The following AHCYL2 variants were observed in gnomAD, a reference collection of about 807,000 sequenced individuals.
AHCYL2 encodes adenosylhomocysteinase like 2, also known as S-adenosylhomocysteine hydrolase-like protein 2.
AHCYL2 carries 28 observed loss-of-function variants against 81.4 expected under a neutral mutation model. The ratio of observed to expected loss-of-function variants is 0.34; its 90% confidence interval spans 0.25 to 0.47. AHCYL2 has a LOEUF of 0.47. AHCYL2 is among the 20% of genes least tolerant of loss of function. AHCYL2 has a pLI of 1.00. For missense variants in AHCYL2, 551 were observed against 785.1 expected, an observed-to-expected ratio of 0.70 and a Z score of 3.56; for synonymous variants, 272 against 290.2, an observed-to-expected ratio of 0.94 and a Z score of 0.64.
intron 1 of AHCYL2, among the ~76,000 whole-genome samples, chr7:129,359,436 T>G (rs1793855635): frequency 6.6e-6 from 1 of 152,220 alleles, no homozygotes; most frequent in African/African-American, 2.4e-5. Flanking sequence ...ATAGGTGTGT[T>G]AACTTTTGAA....
Position 129,419,228 on chromosome 7 carries a change from C to T in AHCYL2, c.1462-3612C>T, listed in dbSNP as rs1392261282. On this transcript the variant is annotated intron_variant, in intron 12 of 16. Coordinates refer to ENST00000325006, the MANE Select transcript of AHCYL2 (RefSeq NM_015328.4). The surrounding 1 kb of genome is among the most constrained non-coding windows in gnomAD (Gnocchi z 4.7). ...ATTATGCTCTCCACTGTCTTTTGGC[C>T]GTATCTTTCTTTTATATGTTTGCTT... Among the ~76,000 whole-genome samples the T allele has an allele frequency of 1.3e-5, 2 of 152,016 alleles. No individual in the cohort carries two copies. The highest frequency in any genetic ancestry group is 6.6e-5 in the Admixed American group (1 of 15,252).
chr7:129,252,792 G>A (rs966145607), intron 1 of AHCYL2, among the ~76,000 whole-genome samples: 1 of 151,930 alleles, frequency 6.6e-6, no homozygotes, highest in African/African-American at 2.4e-5. Flanking sequence ...TAGGTAGGTA[G>A]GTAGGTAGAT....
chr7:129,298,880 T>G (rs1584757541), intron 1 of AHCYL2, among the ~76,000 whole-genome samples: 1 of 152,324 alleles, frequency 6.6e-6, no homozygotes, highest in East Asian at 1.9e-4. Context: ...AAATAAAACT[T>G]TTCTTGGTCT....
chr7:129,278,656 T>C (rs1336834333), intron 1 of AHCYL2, among the ~76,000 whole-genome samples: 1 of 152,158 alleles, frequency 6.6e-6, no homozygotes, highest in Non-Finnish European at 1.5e-5. Context: ...AGAAGAGCTT[T>C]CTCTTATGTT....
At chr7:129,281,085 G>A (rs1220904496) in intron 1 of AHCYL2, among the ~76,000 whole-genome samples, 3 of 151,780 alleles carry the variant, frequency 2.0e-5, no homozygotes, top group East Asian at 1.9e-4. Context: ...GGATGGTCTC[G>A]ATCTCCTGAC....
chr7:129,351,754 C>T (rs1000110999), intron 1 of AHCYL2: 2 of 152,186 alleles, frequency 1.3e-5, no homozygotes, highest in Admixed American at 6.5e-5. Flanking sequence ...AGCAGTGGTT[C>T]TCAAAATGTG....
Position 129,368,407 on chromosome 7 carries a change from G to T in AHCYL2, c.364-11231G>T. On this transcript the variant is annotated intron_variant, in intron 1 of 16. Transcript: ENST00000325006. This position sits in a 1 kb window ranked among gnomAD's most constrained non-coding sequence, Gnocchi z 4.4. Reference sequence around the variant, plus strand: ...GAACTTCTGAATCTCACTAGGGTTGGGTCTGCTTTGGGGCACTCAGATAAC... The same window carrying T: ...GAACTTCTGAATCTCACTAGGGTTGTGTCTGCTTTGGGGCACTCAGATAAC... 6.2e-7 allele frequency: 1 copy of T among 1,605,268 alleles called. No homozygotes were observed. Among genetic ancestry groups the T allele is most frequent in the Non-Finnish European group, 8.5e-7 (1 of 1,175,486 alleles).
chr7:129,294,533 C>G (rs1796988328), intron 1 of AHCYL2, among the ~76,000 whole-genome samples: 2 of 152,136 alleles, frequency 1.3e-5, no homozygotes, highest in Admixed American at 1.3e-4. Context: ...GCAATTGAAG[C>G]CAGTTATCAA....
At chr7:129,347,652 T>C (rs1381840957) in intron 1 of AHCYL2, among the ~76,000 whole-genome samples, 2 of 152,184 alleles carry the variant, frequency 1.3e-5, no homozygotes, top group Non-Finnish European at 2.9e-5. Flanking sequence ...TTGGTTTTTT[T>C]CTTTACAGTG....
intron 1 of AHCYL2, among the ~76,000 whole-genome samples, chr7:129,312,840 C>A (rs1797709220): frequency 6.6e-6 from 1 of 152,108 alleles, no homozygotes. Flanking sequence ...CCGTATGTAA[C>A]CACTATTCAG....
At position 129,400,194 on chromosome 7, in the gene AHCYL2, G is replaced by T. The variant is rs866355965; in HGVS notation, c.824-96G>T. ...CCAAGGAGTATAGCAGAATGAGAGA[G>T]TTGGAAATTAGGAAAAACCAGAATC... On this transcript the variant is annotated intron_variant, in intron 5 of 16. Transcript: ENST00000325006. The T allele has an allele frequency of 5.7e-6, 6 of 1,056,830 alleles. No individual in the cohort carries two copies. In the Middle Eastern group the frequency reaches 1.3e-3, roughly 221 times the overall value. The allele number at this position is 1,056,830 out of a possible 1,614,324, so 65.5% of individuals were successfully genotyped here.
At chr7:129,245,937 A>G (rs1408963599) in intron 1 of AHCYL2, among the ~76,000 whole-genome samples, 1 of 152,230 alleles carries the variant, frequency 6.6e-6, no homozygotes, top group Admixed American at 6.5e-5. Flanking sequence ...ACCGTTTTCC[A>G]TAGCAACTGC....
chr7:129,244,995 C>G (rs1053781410), intron 1 of AHCYL2, among the ~76,000 whole-genome samples: 2 of 150,166 alleles, frequency 1.3e-5, no homozygotes, highest in Admixed American at 6.6e-5. Context: ...TTACAAATTA[C>G]AATTCAATGA....
rs147553434 is a variant in AHCYL2, at chr7:129,298,092, G to T, written c.363+72653G>T. 1.9e-3 allele frequency among the ~76,000 whole-genome samples: 294 copies of T among 152,272 alleles called. 1 individual carries two copies. Among genetic ancestry groups the T allele is most frequent in the Middle Eastern group, 0.014 (4 of 294 alleles). Reference sequence around the variant, plus strand: ...GTTTATATAATCAGATAGCTAGAGGGTAACTATAGACAAGAAAGCCTGTGG... The same window carrying T: ...GTTTATATAATCAGATAGCTAGAGGTTAACTATAGACAAGAAAGCCTGTGG... On this transcript the variant is annotated intron_variant, in intron 1 of 16. Coordinates refer to ENST00000325006, the MANE Select transcript of AHCYL2 (RefSeq NM_015328.4).
chr7:129,412,835 T>G (rs1369398875), intron 11 of AHCYL2, among the ~76,000 whole-genome samples: 5 of 152,066 alleles, frequency 3.3e-5, no homozygotes, highest in Non-Finnish European at 1.5e-5. Context: ...TCGATTCAGA[T>G]CCTTTTCTTT....
intron 11 of AHCYL2, among the ~76,000 whole-genome samples, chr7:129,409,851 TA>T (rs1269497034): frequency 8.4e-5 from 3 of 35,684 alleles, no homozygotes; most frequent in South Asian, 9.3e-4. Flanking sequence ...GGAAGCCAGA[TA>T]TTTTTTTTTT....
intron 1 of AHCYL2, among the ~76,000 whole-genome samples, chr7:129,276,320 A>C (rs1348258103): frequency 6.6e-6 from 1 of 152,068 alleles, no homozygotes; most frequent in African/African-American, 2.4e-5. Context: ...ACAGCCTTAC[A>C]TGCTTATATT....
intron 1 of AHCYL2, among the ~76,000 whole-genome samples, chr7:129,352,396 C>T (rs1384735327): frequency 6.6e-6 from 1 of 152,128 alleles, no homozygotes; most frequent in African/African-American, 2.4e-5. Flanking sequence ...CGGTGTAGAC[C>T]TCGTATTTGA....
chr7:129,332,286 G>T (rs1337517939), intron 1 of AHCYL2, among the ~76,000 whole-genome samples: 1 of 152,062 alleles, frequency 6.6e-6, no homozygotes. Flanking sequence ...ATAGCAGAAG[G>T]GTGGAGTGTA....
Sources: gnomAD v4.1 joint callset for allele counts (sites outside exome capture counted in the v4.1 genomes callset) on GRCh38, gnomAD v4.1.1 for gene constraint, Gnocchi (gnomAD v3.1) non-coding constraint, MANE v1.5 for transcripts, NCBI Gene and HGNC (gene_info 2026-07-23, HGNC 2026-07-21) for gene names.